Variants in CAPSL observed in about 807,000 individuals in gnomAD.
CAPSL encodes calcyphosine like.
In CAPSL, 17 loss-of-function variants were observed where a neutral mutation model predicts 21.3. The ratio of observed to expected loss-of-function variants is 0.80; its 90% CI spans 0.55 to 1.20. The LOEUF (loss-of-function observed/expected upper bound fraction) is 1.20. Among genes scored for constraint, CAPSL ranks in the 50% most tolerant of loss-of-function variants. The probability of loss-of-function intolerance (pLI) is 0.00; values close to 1 mark genes in which losing one functional copy is unlikely to be tolerated. For missense variants in CAPSL, 289 were observed against 259.3 expected (o/e 1.11, Z -0.79); for synonymous variants, 102 against 89.3 (o/e 1.14, Z -0.80).
chr5:35,917,856 T>G (rs1738433271), intron 2 of CAPSL, among the ~76,000 whole-genome samples: 2 of 151,894 alleles, frequency 1.3e-5, no homozygotes. Flanking sequence ...TCCTAAAACT[T>G]AAAGTATAAT....
At chr5:35,935,773 G>A (rs1408524896) in intron 1 of CAPSL, among the ~76,000 whole-genome samples, 1 of 151,988 alleles carries the variant, frequency 6.6e-6, no homozygotes, top group Non-Finnish European at 1.5e-5. Context: ...TCTCCCTTCT[G>A]GATCTACTTC....
chr5:35,912,934 C>A (rs1299933202), intron 2 of CAPSL, among the ~76,000 whole-genome samples: 1 of 151,914 alleles, frequency 6.6e-6, no homozygotes, highest in African/African-American at 2.4e-5. Context: ...AGTTTGCACC[C>A]ATGGCAAAGA....
At chr5:35,933,125 T>C (rs1738861090) in intron 1 of CAPSL, among the ~76,000 whole-genome samples, 1 of 152,204 alleles carries the variant, frequency 6.6e-6, no homozygotes, top group Admixed American at 6.5e-5. Context: ...CTCTCTGGCC[T>C]TATATAGAAA....
At chr5:35,928,551 A>G (rs1738741953) in intron 1 of CAPSL, among the ~76,000 whole-genome samples, 1 of 152,156 alleles carries the variant, frequency 6.6e-6, no homozygotes, top group Non-Finnish European at 1.5e-5. Flanking sequence ...ACCACAAGCT[A>G]TGCAAGGCAC....
intron 1 of CAPSL, among the ~76,000 whole-genome samples, chr5:35,937,074 C>G (rs73094073): frequency 6.6e-6 from 1 of 152,254 alleles, no homozygotes; most frequent in East Asian, 1.9e-4. Context: ...TGACACATCC[C>G]GCATTTCCAT....
At position 35,924,016 on chromosome 5, in the gene CAPSL, A is replaced by ATTT. The variant is rs1554070142; in HGVS notation, c.1-2899_1-2897dup. On this transcript the variant is annotated intron_variant, in intron 1 of 4. Coordinates refer to ENST00000651391, the MANE Select transcript of CAPSL (RefSeq NM_001042625.2). ...TAAATACATACAACTTTATCTGTCA[A>ATTT]TTTAAAAAAAAAATTTAAAGTGTGC... Among the ~76,000 whole-genome samples the ATTT allele has an allele frequency of 4.7e-4, 72 of 151,606 alleles. 1 individual carries two copies. Among genetic ancestry groups the ATTT allele is most frequent in the Admixed American group, 4.3e-3 (66 of 15,250 alleles).
chr5:35,915,662 C>A (rs564260896), intron 2 of CAPSL, among the ~76,000 whole-genome samples: 4 of 152,112 alleles, frequency 2.6e-5, no homozygotes, highest in East Asian at 1.9e-4. Flanking sequence ...ATTCAACAAC[C>A]CTTCATGCTA....
At position 35,912,055 on chromosome 5, in the gene CAPSL, G is replaced by A. The variant is rs1195023609; in HGVS notation, c.138-1512C>T. On this transcript the variant is annotated intron_variant, in intron 2 of 4. Coordinates refer to ENST00000651391, the MANE Select transcript of CAPSL (RefSeq NM_001042625.2). ...ACAGTCTTAGCAAACGGCGCACCAG[G>A]AGATTATATCCTGCACCTGGCTCGG... Among the ~76,000 whole-genome samples the A allele has an allele frequency of 1.3e-5, 2 of 152,312 alleles. 1 individual carries two copies. The highest frequency in any genetic ancestry group is 4.1e-4 in the South Asian group (2 of 4,826).
At chr5:35,916,912 A>C (rs1295923106) in intron 2 of CAPSL, among the ~76,000 whole-genome samples, 1 of 152,260 alleles carries the variant, frequency 6.6e-6, no homozygotes, top group African/African-American at 2.4e-5. Flanking sequence ...AGTAACTACC[A>C]TCAGAGTGAA....
At chr5:35,925,799 G>A (rs763953324) in intron 1 of CAPSL, among the ~76,000 whole-genome samples, 20 of 152,186 alleles carry the variant, frequency 1.3e-4, no homozygotes, top group African/African-American at 4.8e-4. Context: ...TCTTCTGGCC[G>A]GGCGCGGTGG....
chr5:35,920,831 T>C (rs926580505), intron 2 of CAPSL, among the ~76,000 whole-genome samples, 153 bp downstream of exon 2: 4 of 152,308 alleles, frequency 2.6e-5, no homozygotes, highest in East Asian at 3.9e-4. Context: ...AGGGACCTCA[T>C]AGATCAACTC....
At chr5:35,932,309 A>G (rs1234950361) in intron 1 of CAPSL, among the ~76,000 whole-genome samples, 2 of 152,194 alleles carry the variant, frequency 1.3e-5, no homozygotes, top group African/African-American at 4.8e-5. Context: ...AAGTGCTTCA[A>G]GTAGTCATCA....
intron 4 of CAPSL, among the ~76,000 whole-genome samples, chr5:35,909,131 G>A (rs994035589): frequency 2.0e-5 from 3 of 151,436 alleles, no homozygotes; most frequent in Admixed American, 6.6e-5. Context: ...TGTTGATAAA[G>A]GACAGATGAC....
chr5:35,927,202 G>A (rs1470122637), intron 1 of CAPSL, among the ~76,000 whole-genome samples: 1 of 152,148 alleles, frequency 6.6e-6, no homozygotes, highest in Non-Finnish European at 1.5e-5. Context: ...TCCTGTTGAG[G>A]AAGTCCTGCA....
chr5:35,904,932 G>T (rs537965957), intron 4 of CAPSL, among the ~76,000 whole-genome samples: 1 of 152,264 alleles, frequency 6.6e-6, no homozygotes, highest in South Asian at 2.1e-4. Flanking sequence ...CGTCGGTTCA[G>T]GTAAGGGAGA....
intron 2 of CAPSL, among the ~76,000 whole-genome samples, chr5:35,914,417 C>T (rs1272763839): frequency 2.6e-5 from 4 of 152,266 alleles, no homozygotes; most frequent in African/African-American, 9.6e-5. Context: ...TTCTTTTCAG[C>T]ACCACACCAC....
chr5:35,923,760 G>T (rs890881708), intron 1 of CAPSL, among the ~76,000 whole-genome samples: 1 of 152,194 alleles, frequency 6.6e-6, no homozygotes, highest in Admixed American at 6.5e-5. Flanking sequence ...GAGGGCCAGT[G>T]GGGAGTGACT....
chr5:35,927,223 T>C (rs1208273463), intron 1 of CAPSL, among the ~76,000 whole-genome samples: 5 of 152,150 alleles, frequency 3.3e-5, no homozygotes, highest in Admixed American at 2.0e-4. Context: ...GGTCCAGCCT[T>C]GTGACAACAG....
intron 2 of CAPSL, among the ~76,000 whole-genome samples, chr5:35,916,379 G>C (rs1049563878): frequency 1.3e-5 from 2 of 152,036 alleles, no homozygotes; most frequent in African/African-American, 4.8e-5. Context: ...AGTTCATATG[G>C]AACCAAAAAA....
Sources: allele counts gnomAD v4.1 joint callset (sites outside exome capture counted in the v4.1 genomes callset), GRCh38; gene constraint gnomAD v4.1.1; transcripts MANE v1.5; gene names NCBI Gene and HGNC (gene_info 2026-07-23, HGNC 2026-07-21).